Variants in SLMAP observed in about 807,000 individuals in gnomAD.
SLMAP encodes sarcolemmal membrane-associated protein.
Under a neutral mutation model 128.8 loss-of-function variants are expected in SLMAP, and 44 were observed. The ratio of observed to expected loss-of-function variants is 0.34; its 90% confidence interval spans 0.27 to 0.44. The LOEUF is 0.44. Among genes scored for constraint, SLMAP ranks in the 20% least tolerant of loss-of-function variants. The pLI is 1.00. For missense variants in SLMAP, 787 were observed against 985.3 expected, an observed-to-expected ratio of 0.80 and a Z score of 2.69; for synonymous variants, 327 against 348.8, an observed-to-expected ratio of 0.94 and a Z score of 0.70.
intron 2 of SLMAP, among the ~76,000 whole-genome samples, chr3:57,760,640 G>T (rs192154059): frequency 6.6e-6 from 1 of 152,074 alleles, no homozygotes; most frequent in Non-Finnish European, 1.5e-5. Context: ...AGGGTTGCTT[G>T]AGCCCAGGAG....
intron 10 of SLMAP, among the ~76,000 whole-genome samples, chr3:57,863,072 T>G (rs987268533): frequency 2.0e-5 from 3 of 152,146 alleles, no homozygotes; most frequent in Admixed American, 6.5e-5. Flanking sequence ...CATTAGGCCA[T>G]CTAAAAGGCA....
intron 17 of SLMAP, among the ~76,000 whole-genome samples, chr3:57,906,310 C>CTTTCTTTTTTTTTTTTTTTTT (rs2096548355): frequency 4.3e-5 from 2 of 47,048 alleles, no homozygotes; most frequent in Non-Finnish European, 4.2e-5. Flanking sequence ...CTTTTTTTTT[C>CTTTCTTTTTTTTTTTTTTTTT]TTTTTTTTTT....
intron 14 of SLMAP, among the ~76,000 whole-genome samples, chr3:57,879,965 A>T (rs1446181598): frequency 6.6e-6 from 1 of 151,916 alleles, no homozygotes; most frequent in East Asian, 1.9e-4. Flanking sequence ...AAAAAAAATA[A>T]AAATAAAAAG....
At chr3:57,853,955 T>TTACA (rs2094606031) in intron 6 of SLMAP, among the ~76,000 whole-genome samples, 1 of 31,942 alleles carries the variant, frequency 3.1e-5, no homozygotes, top group African/African-American at 1.4e-4. Context: ...AAAAAAAAAA[T>TTACA]TATATATATA....
At chr3:57,774,240 A>C (rs866758300) in intron 2 of SLMAP, among the ~76,000 whole-genome samples, 1 of 152,186 alleles carries the variant, frequency 6.6e-6, no homozygotes, top group Non-Finnish European at 1.5e-5. Flanking sequence ...TGGTTTTAAT[A>C]GTTTTTTTAC....
intron 2 of SLMAP, among the ~76,000 whole-genome samples, chr3:57,775,182 T>G (rs577918894): frequency 6.7e-6 from 1 of 149,844 alleles, no homozygotes; most frequent in South Asian, 2.1e-4. Context: ...AGCCCCCGAG[T>G]AGCTGGGACT....
intron 5 of SLMAP, 108 bp from the exon 6 acceptor site, chr3:57,849,646 A>T: frequency 1.5e-6 from 1 of 676,852 alleles, no homozygotes; most frequent in South Asian, 1.8e-5. Context: ...TGTGATTTTA[A>T]TAACAGTTAT....
At chr3:57,863,174 C>T (rs2095167445) in intron 10 of SLMAP, among the ~76,000 whole-genome samples, 1 of 152,100 alleles carries the variant, frequency 6.6e-6, no homozygotes, top group Non-Finnish European at 1.5e-5. Flanking sequence ...GTTAACTCTG[C>T]TTTAGCTGCC....
intron 2 of SLMAP, among the ~76,000 whole-genome samples, chr3:57,780,649 A>T (rs570464925): frequency 9.0e-5 from 13 of 145,096 alleles, no homozygotes; most frequent in Admixed American, 6.9e-4. Flanking sequence ...AACTTAAATA[A>T]TTTTTTTTTT....
chr3:57,807,566 G>C (rs964971015), intron 2 of SLMAP, among the ~76,000 whole-genome samples: 4 of 152,044 alleles, frequency 2.6e-5, no homozygotes, highest in African/African-American at 9.7e-5. Context: ...TTTTGTTATT[G>C]GTTCTGTTTA....
intron 2 of SLMAP, among the ~76,000 whole-genome samples, chr3:57,811,457 G>A (rs2090965352): frequency 6.6e-6 from 1 of 152,086 alleles, no homozygotes; most frequent in African/African-American, 2.4e-5. Context: ...TTTATTGTAT[G>A]TATATTTTTA....
chr3:57,833,239 T>C (rs2093441619), intron 3 of SLMAP, among the ~76,000 whole-genome samples: 1 of 152,162 alleles, frequency 6.6e-6, no homozygotes, highest in Non-Finnish European at 1.5e-5. Flanking sequence ...TGCTAACATA[T>C]ATGCAGATTT....
chr3:57,852,412 A>G (rs1339842086), intron 6 of SLMAP, among the ~76,000 whole-genome samples: 1 of 152,178 alleles, frequency 6.6e-6, no homozygotes, highest in Non-Finnish European at 1.5e-5. Context: ...AAATTCCCTC[A>G]TTTAATCCTT....
intron 2 of SLMAP, among the ~76,000 whole-genome samples, chr3:57,793,941 C>T (rs1043651853): frequency 1.3e-5 from 2 of 151,376 alleles, no homozygotes; most frequent in Admixed American, 6.6e-5. Context: ...ATGGTGTATT[C>T]CTGTAGCCCC....
intron 19 of SLMAP, among the ~76,000 whole-genome samples, chr3:57,911,284 C>T (rs2096688769): frequency 6.6e-6 from 1 of 152,148 alleles, no homozygotes; most frequent in South Asian, 2.1e-4. Flanking sequence ...AACTTGTTAC[C>T]TCTCAGTCCT....
intron 2 of SLMAP, among the ~76,000 whole-genome samples, chr3:57,769,894 G>A (rs1474203134): frequency 6.6e-6 from 1 of 152,178 alleles, no homozygotes; most frequent in East Asian, 1.9e-4. Flanking sequence ...AGAAGTTGTA[G>A]TGCCAGAGTA....
At chr3:57,885,767 GGTTCTTTTTTT>G (rs2095865943) in intron 14 of SLMAP, among the ~76,000 whole-genome samples, 1 of 99,614 alleles carries the variant, frequency 1.0e-5, no homozygotes, top group East Asian at 3.1e-4. Flanking sequence ...TTCGGTTTTT[GGTTCTTTTTTT>G]TTTTTTTTTT....
chr3:57,759,244 G>T (rs936740317), intron 2 of SLMAP, among the ~76,000 whole-genome samples: 4 of 151,944 alleles, frequency 2.6e-5, no homozygotes, highest in African/African-American at 9.7e-5. Flanking sequence ...GCTGAAGTTA[G>T]GGTGCCTAAA....
intron 2 of SLMAP, among the ~76,000 whole-genome samples, chr3:57,815,881 G>A (rs957853366): frequency 6.6e-6 from 1 of 152,180 alleles, no homozygotes; most frequent in Non-Finnish European, 1.5e-5. Flanking sequence ...AAAAATCAAA[G>A]TGATTACGTA....
Sources: gnomAD v4.1 joint callset for allele counts (sites outside exome capture counted in the v4.1 genomes callset) on GRCh38, gnomAD v4.1.1 for gene constraint, MANE v1.5 for transcripts, NCBI Gene and HGNC (gene_info 2026-07-23, HGNC 2026-07-21) for gene names.